Variants in POU2F2 observed in about 807,000 individuals in gnomAD.
POU2F2 encodes POU domain, class 2, transcription factor 2.
Under a neutral mutation model 63.5 loss-of-function variants are expected in POU2F2, and 14 were observed. That is an observed-to-expected ratio of 0.22 (90% CI 0.15 to 0.34). The LOEUF is 0.34. POU2F2 is among the 10% of genes least tolerant of loss of function. The pLI, the probability that POU2F2 is intolerant of heterozygous loss-of-function variation, is 1.00. For missense variants in POU2F2, 607 were observed against 815.2 expected (o/e 0.74, Z 3.11); for synonymous variants, 306 against 348.6 (o/e 0.88, Z 1.36).
Position 42,153,061 on chromosome 19 carries a change from C to T in POU2F2, c.-9+7271G>A, listed in dbSNP as rs900073148. Among the ~76,000 whole-genome samples the T allele has an allele frequency of 4.6e-5, 7 of 152,186 alleles. No homozygotes were observed. The highest frequency in any genetic ancestry group is 1.9e-4 in the East Asian group (1 of 5,192). On this transcript the variant is annotated intron_variant, in intron 2 of 6. Transcript: ENST00000524801. This position sits in a 1 kb window ranked among gnomAD's most constrained non-coding sequence, Gnocchi z 5.6. ...TGGCTGCCCCGCCTTTGGGTCCCTG[C>T]GGGTAGAAGTTGCCTTGGCCTCACC...
Position 42,096,324 on chromosome 19 carries a change from G to T in POU2F2, c.568-81C>A, listed in dbSNP as rs1227958017. On this transcript the variant is annotated intron_variant, in intron 7 of 14. Transcript: ENST00000692977. This position sits in a 1 kb window ranked among gnomAD's most constrained non-coding sequence, Gnocchi z 4.1. The stretch of plus-strand genomic sequence containing the variant: ...GCGATGGGTGCACAGTCCCCCTCCC[G>T]CCCTCTTCGCCCCTGCGTTCCATCC... 1 of 1,349,734 alleles carries T rather than the reference G, an allele frequency of 7.4e-7. No individual in the cohort carries two copies. The highest frequency in any genetic ancestry group is 9.9e-7 in the Non-Finnish European group (1 of 1,014,990). 83.6% of individuals were successfully genotyped at this position (1,349,734 alleles called of 1,614,324 possible).
At chr19:42,163,631 C>A (rs2034594046) in intron 1 of POU2F2, among the ~76,000 whole-genome samples, 1 of 152,160 alleles carries the variant, frequency 6.6e-6, no homozygotes, top group Non-Finnish European at 1.5e-5. Context: ...CTCAGTCCCT[C>A]CCTGAGGGAG....
Position 42,130,359 on chromosome 19 carries a change from GC to G in POU2F2, c.28+2024del, listed in dbSNP as rs1445204566. The stretch of plus-strand genomic sequence containing the variant: ...CAGAGTCACCTTATCCTGGAAGATG[GC>G]CAGGGCTGACCTCTGAACCCAGTTC... On this transcript the variant is annotated intron_variant, in intron 1 of 14. Coordinates refer to ENST00000692977, the MANE Select transcript of POU2F2 (RefSeq NM_001394376.1). 9.2e-5 allele frequency among the ~76,000 whole-genome samples: 14 copies of G among 152,082 alleles called. No homozygotes were observed. In the South Asian group the frequency reaches 1.0e-3, roughly 11 times the overall value.
intron 5 of POU2F2, among the ~76,000 whole-genome samples, chr19:42,116,425 A>G (rs1417827493): frequency 6.6e-6 from 1 of 152,106 alleles, no homozygotes; most frequent in Non-Finnish European, 1.5e-5. Context: ...TCAACCTCCC[A>G]GGAGGCTGTG....
upstream of POU2F2, among the ~76,000 whole-genome samples, chr19:42,133,281 C>T (rs944438809): frequency 6.6e-6 from 1 of 152,220 alleles, no homozygotes; most frequent in Non-Finnish European, 1.5e-5. The surrounding 1 kb of genome is among the most constrained non-coding windows in gnomAD (Gnocchi z 5.1). Flanking sequence ...GGCCGGAGGG[C>T]GGGGCCGGCT....
rs935203770 is a variant in POU2F2, at chr19:42,162,043, G to A, written c.-69-1651C>T. 4.7e-5 allele frequency among the ~76,000 whole-genome samples: 7 copies of A among 148,828 alleles called. No homozygotes were observed. Among genetic ancestry groups the A allele is most frequent in the East Asian group, 2.0e-4 (1 of 4,908 alleles). On this transcript the variant is annotated intron_variant, in intron 1 of 6. Coordinates refer to the POU2F2 transcript ENST00000524801. The surrounding 1 kb of genome is among the most constrained non-coding windows in gnomAD (Gnocchi z 4.1). ...ACACGGTGGCGACACGGCATTAACC[G>A]TCAATATTGGTGTAAGTGATGGGGT...
At chr19:42,171,032 G>A (rs762326451) in intron 1 of POU2F2, among the ~76,000 whole-genome samples, 107 of 152,252 alleles carry the variant, frequency 7.0e-4, no homozygotes, top group Non-Finnish European at 1.4e-3. Context: ...TGGCAGAACC[G>A]TCCGGACCAA....
chr19:42,195,695 G>T (rs1441941064), intron 1 of POU2F2, among the ~76,000 whole-genome samples: 1 of 117,544 alleles, frequency 8.5e-6, no homozygotes, highest in Non-Finnish European at 1.7e-5. Context: ...TCCTTCCTTC[G>T]TTCCTTTTTT....
upstream of POU2F2, among the ~76,000 whole-genome samples, chr19:42,197,491 C>T (rs980732515): frequency 1.3e-5 from 2 of 152,160 alleles, no homozygotes; most frequent in African/African-American, 4.8e-5. Context: ...CCAGAACAGG[C>T]TCCAAGGTGT....
chr19:42,189,796 C>A (rs1359622972), intron 1 of POU2F2, among the ~76,000 whole-genome samples: 2 of 152,132 alleles, frequency 1.3e-5, no homozygotes, highest in African/African-American at 2.4e-5. Context: ...GTGGTGGGAT[C>A]ATGGTAGCCT....
At chr19:42,106,966 C>T (rs2030179981) in intron 5 of POU2F2, among the ~76,000 whole-genome samples, 1 of 151,906 alleles carries the variant, frequency 6.6e-6, no homozygotes, top group African/African-American at 2.4e-5. Context: ...TTTGAGGTGG[C>T]AGTAAGCTAT....
At chr19:42,171,761 C>T (rs1337826545) in intron 1 of POU2F2, among the ~76,000 whole-genome samples, 8 of 152,066 alleles carry the variant, frequency 5.3e-5, no homozygotes, top group Admixed American at 5.2e-4. Flanking sequence ...CGTGTGTGGG[C>T]CACAGCCCTA....
intron 5 of POU2F2, among the ~76,000 whole-genome samples, chr19:42,108,991 T>C (rs2030615248): frequency 6.6e-6 from 1 of 152,256 alleles, no homozygotes; most frequent in African/African-American, 2.4e-5. Context: ...AATGAATGAA[T>C]GAGGTGAAAC....
intron 5 of POU2F2, among the ~76,000 whole-genome samples, chr19:42,111,987 C>A (rs1453883097): frequency 6.6e-6 from 1 of 152,148 alleles, no homozygotes; most frequent in Non-Finnish European, 1.5e-5. Context: ...GGGCAGAATA[C>A]CACAAATGGA....
chr19:42,118,801 C>T (rs1003494168), intron 4 of POU2F2, among the ~76,000 whole-genome samples: 1 of 152,232 alleles, frequency 6.6e-6, no homozygotes, highest in Admixed American at 6.5e-5. Context: ...GTTTATCCTT[C>T]AGCCTGATAG....
upstream of POU2F2, among the ~76,000 whole-genome samples, chr19:42,179,244 G>T (rs925486602): frequency 6.6e-6 from 1 of 151,984 alleles, no homozygotes; most frequent in African/African-American, 2.4e-5. Context: ...AGAAAGGAGA[G>T]GAGTGGGGAA....
At chr19:42,099,667 G>A in intron 6 of POU2F2, 49 bp from the exon 7 acceptor site, 1 of 1,604,496 alleles carries the variant, frequency 6.2e-7, no homozygotes, top group Non-Finnish European at 8.5e-7. Flanking sequence ...GGGAAGGTGA[G>A]GAAGTTCTGT....
chr19:42,182,017 G>A (rs1239851596), intron 1 of POU2F2, among the ~76,000 whole-genome samples: 1 of 152,098 alleles, frequency 6.6e-6, no homozygotes, highest in African/African-American at 2.4e-5. Flanking sequence ...TATAATCTCT[G>A]AGGATAAAGG....
intron 2 of POU2F2, among the ~76,000 whole-genome samples, chr19:42,154,762 T>TCA (rs144313465): frequency 0.12 from 18,438 of 149,934 alleles, 1,262 homozygotes; most frequent in Middle Eastern, 0.23. Flanking sequence ...GTGATGTCTC[T>TCA]CACACACACA....
Sources: gnomAD v4.1 joint callset for allele counts (sites outside exome capture counted in the v4.1 genomes callset) on GRCh38, gnomAD v4.1.1 for gene constraint, Gnocchi (gnomAD v3.1) non-coding constraint, MANE v1.5 for transcripts, NCBI Gene and HGNC (gene_info 2026-07-23, HGNC 2026-07-21) for gene names.